Variants in CCP110 observed in about 807,000 individuals in gnomAD.
CCP110 encodes centriolar coiled-coil protein 110, also known as centriolar coiled-coil protein of 110 kDa.
In CCP110, 43 loss-of-function variants were observed where a neutral mutation model predicts 105.5. The observed-to-expected ratio is 0.41, with a 90% CI of 0.32 to 0.53. The LOEUF is 0.53. Among genes scored for constraint, CCP110 ranks in the 20% least tolerant of loss-of-function variants. The pLI is 0.32. For synonymous variants in CCP110, 353 were observed against 392.1 expected, an observed-to-expected ratio of 0.90 and a Z score of 1.18; for missense variants, 1,016 against 1,189.1, an observed-to-expected ratio of 0.85 and a Z score of 2.14.
chr16:19,532,369 G>T, intron 2 of CCP110, 47 bp from the exon 3 acceptor site: 1 of 1,499,518 alleles, frequency 6.7e-7, no homozygotes, highest in South Asian at 1.3e-5. Context: ...CCGATTTTAT[G>T]ATATTTTTAT....
Position 19,542,839 on chromosome 16 carries a change from G to A in CCP110, c.2368-39G>A, listed in dbSNP as rs750186804. On this transcript the variant is annotated intron_variant, in intron 7 of 14. Transcript: ENST00000381396. ...CTATATTATCTTAGACTGTATAAAT[G>A]AACACCAATAAACATTGTGTCTGTC... 59 of 1,523,480 alleles carry A rather than the reference G, an allele frequency of 3.9e-5. 1 individual carries two copies. The South Asian group carries it at 6.6e-4, about 17-fold the overall frequency. The allele number at this position is 1,523,480 out of a possible 1,614,324, so 94.4% of individuals were successfully genotyped here.
intron 14 of CCP110, among the ~76,000 whole-genome samples, chr16:19,549,839 T>G (rs1196737420): frequency 6.6e-6 from 1 of 152,256 alleles, no homozygotes; most frequent in African/African-American, 2.4e-5. Context: ...CATGTTCTTT[T>G]CTCATGCATT....
At chr16:19,550,701 C>G (rs1970608224) in intron 14 of CCP110, among the ~76,000 whole-genome samples, 1 of 152,202 alleles carries the variant, frequency 6.6e-6, no homozygotes, top group Non-Finnish European at 1.5e-5. Flanking sequence ...ATATCATACT[C>G]TTAGACTGAA....
At chr16:19,537,188 C>T (rs1970100555) in exon 4 of CCP110, 1 of 1,614,188 alleles carries the variant, frequency 6.2e-7, no homozygotes, top group Non-Finnish European at 8.5e-7. Flanking sequence ...GCTGCATGAA[C>T]CATATGCCAG....
chr16:19,528,402 T>C (rs935680784), intron 2 of CCP110, among the ~76,000 whole-genome samples: 3 of 152,228 alleles, frequency 2.0e-5, no homozygotes, highest in African/African-American at 4.8e-5. Flanking sequence ...TAGCATTGTT[T>C]AAAATAGCAA....
At chr16:19,524,802 A>T (rs1426748671) in intron 1 of CCP110, 1 of 152,216 alleles carries the variant, frequency 6.6e-6, no homozygotes, top group Non-Finnish European at 1.5e-5. Context: ...CCTACGGGGA[A>T]CCAAGCACTG....
chr16:19,525,785 G>A (rs1277352662), intron 1 of CCP110: 3 of 152,596 alleles, frequency 2.0e-5, no homozygotes, highest in African/African-American at 7.2e-5. Flanking sequence ...AAAGGTACCT[G>A]TACTTATGGC....
chr16:19,526,774 C>T (rs868690955), intron 1 of CCP110: 20 of 151,996 alleles, frequency 1.3e-4, no homozygotes, highest in African/African-American at 4.8e-4. Flanking sequence ...GAGGACATAT[C>T]CTATTTCATC....
rs1211929766 is a variant in CCP110, at chr16:19,527,792, G to C, written c.-15-75G>C. On this transcript the variant is annotated intron_variant, in intron 1 of 14. Transcript: ENST00000381396. ...TTGTGAATTATAGGGACTCTCTCATGCTCTACAAAATCTGCCAAATAATTA... is the reference window on the plus strand; with the variant it reads ...TTGTGAATTATAGGGACTCTCTCATCCTCTACAAAATCTGCCAAATAATTA... 7 of 1,223,562 alleles carry C rather than the reference G, an allele frequency of 5.7e-6. No homozygotes were observed. In the East Asian group the frequency reaches 7.5e-5, roughly 13 times the overall value. 75.8% of individuals were successfully genotyped at this position (1,223,562 alleles called of 1,614,324 possible). A position where few individuals can be genotyped will look rare whatever the true frequency, so the allele number is the denominator to read the frequency against.
At position 19,527,864 on chromosome 16, in the gene CCP110, T is replaced by C. The variant is rs770022864; in HGVS notation, c.-15-3T>C. 1.9e-6 allele frequency: 3 copies of C among 1,608,196 alleles called. No homozygotes were observed. The highest frequency in any genetic ancestry group is 2.5e-6 in the Non-Finnish European group (3 of 1,178,018). ...TTAAAAATAACATTTTTCTCTCTTG[T>C]AGTGTGACTGTGGGAAGATGGAGGA... On this transcript the variant is annotated splice_region_variant and splice_polypyrimidine_tract_variant and intron_variant, in intron 1 of 14. Coordinates refer to ENST00000381396, the Ensembl canonical transcript of CCP110.
chr16:19,548,467 T>A lies in CCP110; in HGVS notation c.2901-48T>A. 8.3e-7 allele frequency: 1 copy of A among 1,204,544 alleles called. No individual in the cohort carries two copies. The highest frequency in any genetic ancestry group is 1.2e-6 in the Non-Finnish European group (1 of 849,874). 74.6% of individuals were successfully genotyped at this position (1,204,544 alleles called of 1,614,324 possible). On this transcript the variant is annotated intron_variant, in intron 13 of 14. Coordinates refer to ENST00000381396, the Ensembl canonical transcript of CCP110. This position sits in a 1 kb window ranked among gnomAD's most constrained non-coding sequence, Gnocchi z 4.1. ...GATTGCTTTCTTTGAATTTTGAACA[T>A]TTAGACCTTAATGCCAGTGACTTAT...
intron 4 of CCP110, among the ~76,000 whole-genome samples, chr16:19,539,135 A>G (rs1970188819): frequency 6.6e-6 from 1 of 151,696 alleles, no homozygotes; most frequent in Admixed American, 6.6e-5. Flanking sequence ...AATAATAATA[A>G]AGGTTCTTAA....
chr16:19,543,587 T>A (rs914278271), intron 8 of CCP110, among the ~76,000 whole-genome samples: 3 of 152,186 alleles, frequency 2.0e-5, no homozygotes, highest in Non-Finnish European at 2.9e-5. Flanking sequence ...TAGAGCCATA[T>A]TTTTCGTCTT....
chr16:19,535,943 A>G (rs1197739054), exon 4 of CCP110: 4 of 1,551,452 alleles, frequency 2.6e-6, no homozygotes, highest in Non-Finnish European at 3.5e-6. Flanking sequence ...GTTTCAGGTT[A>G]GAAAAGCACC....
Position 19,545,891 on chromosome 16 carries a change from G to T in CCP110, c.2777+1G>T, listed in dbSNP as rs145885324. 1.1e-5 allele frequency: 17 copies of T among 1,577,110 alleles called. No homozygotes were observed. In the African/African-American group the frequency reaches 2.2e-4, roughly 20 times the overall value. On this transcript the variant is annotated splice_donor_variant, in intron 11 of 14. Coordinates refer to ENST00000381396, the Ensembl canonical transcript of CCP110. LOFTEE classifies it high-confidence loss of function. ...CTCTTGATAGGAAGAAATACATGAA[G>T]TAAGTTTTTTGTATCATGTCATGTT...
intron 12 of CCP110, 168 bp downstream of exon 12, chr16:19,546,642 C>G: frequency 2.2e-6 from 1 of 454,924 alleles, no homozygotes; most frequent in Non-Finnish European, 4.0e-6. Context: ...CATGGAAAAC[C>G]CCATCTCTAC....
intron 12 of CCP110, chr16:19,546,924 C>T (rs2158068): frequency 0.15 from 23,810 of 155,060 alleles, 1,899 homozygotes; most frequent in Admixed American, 0.2. Flanking sequence ...TGAATTGGGT[C>T]GGGGGTCGTC....
At chr16:19,536,924 A>T in exon 4 of CCP110, 1 of 1,614,244 alleles carries the variant, frequency 6.2e-7, no homozygotes, top group Non-Finnish European at 8.5e-7. Flanking sequence ...TGATGAAAAC[A>T]CAAATGTGCC....
At chr16:19,537,137 G>A (rs1455704058) in exon 4 of CCP110, 2 of 1,614,068 alleles carry the variant, frequency 1.2e-6, no homozygotes, top group African/African-American at 1.3e-5. Flanking sequence ...CGATGAGAGA[G>A]GCGCACACAT....
Sources: gnomAD v4.1 joint callset for allele counts (sites outside exome capture counted in the v4.1 genomes callset) on GRCh38, gnomAD v4.1.1 for gene constraint, Gnocchi (gnomAD v3.1) non-coding constraint, MANE v1.5 for transcripts, NCBI Gene and HGNC (gene_info 2026-07-23, HGNC 2026-07-21) for gene names.